Variants in NUP107 observed in about 807,000 individuals in gnomAD.
NUP107 encodes nuclear pore complex protein Nup107.
Under a neutral mutation model 141.0 loss-of-function variants are expected in NUP107, and 101 were observed. That is an observed-to-expected ratio of 0.72 (90% confidence interval 0.61 to 0.84). The LOEUF (loss-of-function observed/expected upper bound fraction) is 0.84, where lower values mean the gene tolerates loss of function less well. Ranked by LOEUF, NUP107 falls within the 40% of genes least tolerant of loss-of-function variation. The pLI is 0.00. For synonymous variants in NUP107, 319 were observed against 363.9 expected, an observed-to-expected ratio of 0.88 and a Z score of 1.41; for missense variants, 941 against 1,102.7, an observed-to-expected ratio of 0.85 and a Z score of 2.08.
rs1284592750 is a variant in NUP107 at position 68,731,242 on chromosome 12, G to C, written c.1867G>C (p.Glu623Gln). ...TEFEQRHHCL[E>Q]LAKEADLDVA... Reference sequence around the variant, plus strand: ...ATTTGAACAGCGCCACCATTGCCTGGAGTTGGCTAAAGAAGCAGGTAAAAA... The same window carrying C: ...ATTTGAACAGCGCCACCATTGCCTGCAGTTGGCTAAAGAAGCAGGTAAAAA... Residue 623 changes from glutamate to glutamine, a missense_variant, in exon 21 of 28, where the codon GAG (glutamate) becomes CAG (glutamine). Transcript: ENST00000229179. 1.9e-6 allele frequency: 3 copies of C among 1,600,300 alleles called. No individual in the cohort carries two copies. Among genetic ancestry groups the C allele is most frequent in the East Asian group, 2.2e-5 (1 of 44,510 alleles).
chr12:68,690,344 TC>T, intron 3 of NUP107: 1 of 423,256 alleles, frequency 2.4e-6, no homozygotes, highest in East Asian at 4.8e-5. Context: ...ATATGAAGAA[TC>T]CGTTGACTGA....
rs907292157 is a variant in NUP107 at position 68,744,401 on chromosome 12, T to G, written c.*1939T>G. The G allele has an allele frequency of 6.6e-6, 1 of 152,224 alleles. No individual in the cohort carries two copies. Among genetic ancestry groups the G allele is most frequent in the African/African-American group, 2.4e-5 (1 of 41,454 alleles). The allele number at this position is 152,224 out of a possible 1,614,324, so 9.4% of individuals were successfully genotyped here. ...TTTAATTTTTATTTATTTATTTATT[T>G]TTGAGACATGGTCTTGCTCTGTCTC... On this transcript the variant is annotated 3_prime_UTR_variant, in exon 28 of 28. Coordinates refer to ENST00000229179, the MANE Select transcript of NUP107 (RefSeq NM_020401.4).
At chr12:68,692,403 A>C (rs1875844092) in intron 5 of NUP107, among the ~76,000 whole-genome samples, 1 of 151,950 alleles carries the variant, frequency 6.6e-6, no homozygotes, top group Non-Finnish European at 1.5e-5. Flanking sequence ...ACATGGTGAA[A>C]CCTCGTCTCT....
intron 11 of NUP107, chr12:68,714,212 A>G (rs1565694748): frequency 6.4e-6 from 1 of 155,088 alleles, no homozygotes; most frequent in African/African-American, 2.4e-5. Context: ...CTGAAGCTGA[A>G]TTATTCTAAA....
intron 12 of NUP107, among the ~76,000 whole-genome samples, chr12:68,716,405 A>T (rs1341538131): frequency 6.6e-6 from 1 of 150,436 alleles, no homozygotes. Context: ...TAACATTTTT[A>T]TTTTTTGTAC....
intron 6 of NUP107, among the ~76,000 whole-genome samples, chr12:68,697,282 A>C (rs901008279): frequency 1.8e-4 from 27 of 152,106 alleles, no homozygotes; most frequent in African/African-American, 6.5e-4. Flanking sequence ...ACATTTGCCA[A>C]GCATGGTGCT....
chr12:68,714,384 A>C (rs1877009836), intron 11 of NUP107: 1 of 152,198 alleles, frequency 6.6e-6, no homozygotes, highest in Middle Eastern at 3.2e-3. Context: ...TTTGGAAACT[A>C]CTCTTAACAG....
intron 17 of NUP107, among the ~76,000 whole-genome samples, chr12:68,724,552 G>A (rs953782570): frequency 4.6e-5 from 7 of 152,074 alleles, no homozygotes; most frequent in African/African-American, 1.7e-4. Context: ...TGAAGCAGGA[G>A]GATCACTTGA....
intron 24 of NUP107, 152 bp from the exon 25 acceptor site, chr12:68,734,556 A>G (rs1047768545): frequency 4.0e-5 from 25 of 621,940 alleles, no homozygotes; most frequent in Non-Finnish European, 6.5e-5. Flanking sequence ...CATGATATGA[A>G]TTTTTGGAGG....
At chr12:68,723,488 T>TG (rs1410226567) in intron 17 of NUP107, among the ~76,000 whole-genome samples, 1 of 151,982 alleles carries the variant, frequency 6.6e-6, no homozygotes, top group Non-Finnish European at 1.5e-5. Context: ...CCCAGCTACT[T>TG]GGGAGGCTGA....
Position 68,689,017 on chromosome 12 carries a change from A to C in NUP107, c.64A>C (p.Thr22Pro), listed in dbSNP as rs374836604. ...PVIREAEVTR[T>P]ARKQSAQKRV... ...AATCCGGGAGGCAGAGGTGACACGG[A>C]CTGCACGGAAACAGAGTGCTCAGAA... The change falls in exon 2 of 28, where the codon ACT becomes CCT. Residue 22 changes from threonine (T) to proline (P), a missense_variant. Thr to Pro is a conservative substitution (Grantham distance 38). Transcript: ENST00000229179. 3 of 1,613,854 alleles carry C rather than the reference A, an allele frequency of 1.9e-6. No homozygotes were observed. Among genetic ancestry groups the C allele is most frequent in the Non-Finnish European group, 2.5e-6 (3 of 1,179,838 alleles).
Position 68,721,132 on chromosome 12 carries a change from A to C in NUP107, c.1266A>C (p.Arg422Ser). 1 of 1,605,052 alleles carries C rather than the reference A, an allele frequency of 6.2e-7. No individual in the cohort carries two copies. Among genetic ancestry groups the C allele is most frequent in the South Asian group, 1.1e-5 (1 of 90,518 alleles). Residue 422 changes from arginine (R) to serine (S), a missense_variant, in exon 15 of 28, where the codon AGA becomes AGC. By Grantham distance (110) the Arg-to-Ser change is moderately radical (BLOSUM62 -1). Coordinates refer to ENST00000229179, the MANE Select transcript of NUP107 (RefSeq NM_020401.4). ...TTGTGTTTTAGGAGCTTTTTAATAG[A>C]TACGAGAGAGCAATTTATGCAGCTT... ...WRMAEDELFN[R>S]YERAIYAALS...
intron 8 of NUP107, among the ~76,000 whole-genome samples, chr12:68,703,398 C>T (rs911075278): frequency 2.8e-4 from 42 of 151,980 alleles, no homozygotes; most frequent in African/African-American, 1.0e-3. Flanking sequence ...TACACACACA[C>T]ATTTGTTTTT....
intron 17 of NUP107, among the ~76,000 whole-genome samples, chr12:68,723,202 G>A (rs1437453042): frequency 2.0e-5 from 3 of 151,726 alleles, no homozygotes; most frequent in Non-Finnish European, 4.4e-5. Context: ...GCAAAACTTC[G>A]TCTCTAAAAA....
At chr12:68,732,486 G>A in intron 22 of NUP107, 151 bp from the exon 23 acceptor site, 1 of 499,670 alleles carries the variant, frequency 2.0e-6, no homozygotes, top group East Asian at 3.1e-5. Flanking sequence ...ATACACTAAG[G>A]AAAGTTAGAT....
intron 6 of NUP107, among the ~76,000 whole-genome samples, chr12:68,697,923 G>A (rs761603268): frequency 1.3e-4 from 19 of 151,538 alleles, no homozygotes; most frequent in Non-Finnish European, 2.5e-4. Flanking sequence ...AGCTACTTAG[G>A]AGCCTGAGGC....
Position 68,731,684 on chromosome 12 carries a change from G to T in NUP107, c.1963G>T (p.Asp655Tyr). Residue 655 changes from aspartate to tyrosine, a missense_variant, in exon 22 of 28, where the codon GAC (aspartate) becomes TAC (tyrosine). Transcript: ENST00000229179. Reference sequence around the variant, plus strand: ...AGATAATGGTGAATTTAGTCATCATGACCTGGCCCCAGCCCTAGATACTGG... The same window carrying T: ...AGATAATGGTGAATTTAGTCATCATTACCTGGCCCCAGCCCTAGATACTGG... ...KKDNGEFSHH[D>Y]LAPALDTGTT... is the part of the protein sequence containing the mutation. The T allele has an allele frequency of 6.3e-7, 1 of 1,586,016 alleles. No homozygotes were observed. Among genetic ancestry groups the T allele is most frequent in the Admixed American group, 1.9e-5 (1 of 52,330 alleles).
intron 8 of NUP107, among the ~76,000 whole-genome samples, chr12:68,704,305 CA>C (rs1478528710): frequency 6.6e-6 from 1 of 151,974 alleles, no homozygotes; most frequent in Non-Finnish European, 1.5e-5. Context: ...TTAAATGCAG[CA>C]AGTAACATTT....
chr12:68,726,487 G>C lies in NUP107; in HGVS notation c.1577-12G>C, dbSNP rs896201753. On this transcript the variant is annotated splice_polypyrimidine_tract_variant and intron_variant, in intron 18 of 27. Transcript: ENST00000229179. ...ATTCCTATTGTTGAATCTTCACTTT[G>C]ATGGCTTGTAGGTTTGATGGATGAG... 6.5e-7 allele frequency: 1 copy of C among 1,529,980 alleles called. No homozygotes were observed. Among genetic ancestry groups the C allele is most frequent in the South Asian group, 1.1e-5 (1 of 87,866 alleles). The allele number at this position is 1,529,980 out of a possible 1,614,324, so 94.8% of individuals were successfully genotyped here.
Sources: allele counts gnomAD v4.1 joint callset (sites outside exome capture counted in the v4.1 genomes callset), GRCh38; gene constraint gnomAD v4.1.1; transcripts MANE v1.5; gene names NCBI Gene and HGNC (gene_info 2026-07-23, HGNC 2026-07-21).